PRKCH: variants seen among roughly 807,000 people sequenced by gnomAD.
The protein encoded by PRKCH is protein kinase C eta type.
In PRKCH, 28 loss-of-function variants were observed where a neutral mutation model predicts 82.5. The ratio of observed to expected loss-of-function variants is 0.34; its 90% CI spans 0.25 to 0.47. PRKCH has a LOEUF of 0.47. Among genes scored for constraint, PRKCH ranks in the 20% least tolerant of loss-of-function variants. The pLI is 1.00. For missense variants in PRKCH, 705 were observed against 881.8 expected, an observed-to-expected ratio of 0.80 and a Z score of 2.54; for synonymous variants, 322 against 327.4, an observed-to-expected ratio of 0.98 and a Z score of 0.18.
intron 1 of PRKCH, among the ~76,000 whole-genome samples, chr14:61,367,923 C>T (rs913378294): frequency 7.2e-5 from 11 of 151,784 alleles, no homozygotes; most frequent in Admixed American, 6.6e-4. Context: ...ACCTTGCTAA[C>T]CAGGATGGTC....
chr14:61,277,741 C>G (rs1165108613), intron 1 of PRKCH: 1 of 152,068 alleles, frequency 6.6e-6, no homozygotes, highest in Non-Finnish European at 1.5e-5. Flanking sequence ...AGTTTATATA[C>G]ATGTTGAGGT....
At chr14:61,433,043 C>CAAAAAAAAAAAAAAAAAAAAAAAAAA (rs34477992) in intron 2 of PRKCH, among the ~76,000 whole-genome samples, 2 of 110,964 alleles carry the variant, frequency 1.8e-5, no homozygotes, top group African/African-American at 7.4e-5. Context: ...CCAACCTCTT[C>CAAAAAAAAAAAAAAAAAAAAAAAAAA]AAAAAAAAAA....
intron 10 of PRKCH, among the ~76,000 whole-genome samples, chr14:61,515,836 A>G (rs1257050741): frequency 6.6e-6 from 1 of 152,216 alleles, no homozygotes; most frequent in East Asian, 1.9e-4. Flanking sequence ...ACAGTAGGCC[A>G]TGTAGATATT....
chr14:61,420,163 G>T (rs1882760393), intron 2 of PRKCH, among the ~76,000 whole-genome samples: 1 of 152,148 alleles, frequency 6.6e-6, no homozygotes, highest in East Asian at 1.9e-4. Flanking sequence ...GTACTAAATG[G>T]GTCATGTGTG....
chr14:61,490,138 T>C (rs1336562048), intron 10 of PRKCH, among the ~76,000 whole-genome samples: 1 of 152,160 alleles, frequency 6.6e-6, no homozygotes, highest in African/African-American at 2.4e-5. Context: ...GTAATTAGTG[T>C]TTACCCTGAA....
intron 9 of PRKCH, among the ~76,000 whole-genome samples, chr14:61,466,668 T>C (rs1594738264): frequency 6.6e-6 from 1 of 152,290 alleles, no homozygotes; most frequent in East Asian, 1.9e-4. Flanking sequence ...TAGCAGGCCC[T>C]GGGACTGGGT....
intron 1 of PRKCH, among the ~76,000 whole-genome samples, chr14:61,188,405 C>T (rs966921824): frequency 1.3e-5 from 2 of 152,186 alleles, no homozygotes; most frequent in Admixed American, 6.5e-5. Flanking sequence ...GGCTCTCAGG[C>T]AGTTCTGGCT....
At chr14:61,415,090 T>A (rs950646148) in intron 2 of PRKCH, among the ~76,000 whole-genome samples, 1 of 152,174 alleles carries the variant, frequency 6.6e-6, no homozygotes, top group Non-Finnish European at 1.5e-5. Flanking sequence ...AGACCCCAGT[T>A]GTCATTTTCC....
At chr14:61,315,303 G>C (rs1228999968) in intron 1 of PRKCH, among the ~76,000 whole-genome samples, 2 of 152,136 alleles carry the variant, frequency 1.3e-5, no homozygotes, top group African/African-American at 4.8e-5. Flanking sequence ...ATCATGCTGG[G>C]ATGGAGCTTA....
intron 1 of PRKCH, among the ~76,000 whole-genome samples, chr14:61,265,783 A>C (rs373433936): frequency 1.3e-5 from 2 of 152,044 alleles, no homozygotes; most frequent in African/African-American, 2.4e-5. Flanking sequence ...GGAGAATAAG[A>C]TCTAGGGAGA....
intron 9 of PRKCH, among the ~76,000 whole-genome samples, chr14:61,475,729 G>C (rs1175479958): frequency 6.6e-6 from 1 of 152,152 alleles, no homozygotes; most frequent in South Asian, 2.1e-4. Context: ...GAAAAGAGAA[G>C]TGTATGTTTT....
At chr14:61,403,369 A>T (rs1475421004) in intron 2 of PRKCH, among the ~76,000 whole-genome samples, 2 of 152,154 alleles carry the variant, frequency 1.3e-5, no homozygotes, top group Admixed American at 6.5e-5. Flanking sequence ...ACTGACACAT[A>T]TTTGTGTATG....
At chr14:61,285,478 C>T (rs909203173) in intron 1 of PRKCH, among the ~76,000 whole-genome samples, 9 of 152,162 alleles carry the variant, frequency 5.9e-5, no homozygotes, top group Non-Finnish European at 1.0e-4. Flanking sequence ...CTTATCTGTA[C>T]GAACGTGTTT....
rs145098487 is a variant in PRKCH, at chr14:61,436,517, C to T, written c.428-6594C>T. On this transcript the variant is annotated intron_variant, in intron 2 of 13. Transcript: ENST00000332981. The stretch of plus-strand genomic sequence containing the variant: ...TGTACTGCTAGTGCCATTGAGGGGG[C>T]TTTTGCTGCCATTTATTTTCAACTT... Among the ~76,000 whole-genome samples, 405 of 152,228 alleles carry T rather than the reference C, an allele frequency of 2.7e-3. 4 individuals carry two copies. Among genetic ancestry groups the T allele is most frequent in the African/African-American group, 9.5e-3 (395 of 41,550 alleles).
intron 9 of PRKCH, among the ~76,000 whole-genome samples, chr14:61,466,089 G>T (rs1364725634): frequency 2.6e-5 from 4 of 152,140 alleles, no homozygotes; most frequent in Non-Finnish European, 5.9e-5. Context: ...TAGTGAATTG[G>T]CAGACCCGTT....
chr14:61,214,392 G>C (rs2140048343), intron 1 of PRKCH, among the ~76,000 whole-genome samples: 1 of 152,204 alleles, frequency 6.6e-6, no homozygotes, highest in East Asian at 1.9e-4. Context: ...GTCTATGTCT[G>C]TCATTCTATA....
chr14:61,326,715 A>G (rs2045701864), intron 1 of PRKCH, among the ~76,000 whole-genome samples: 1 of 152,196 alleles, frequency 6.6e-6, no homozygotes, highest in African/African-American at 2.4e-5. Flanking sequence ...TGAAAACTAC[A>G]TTTCCTCTTT....
intron 1 of PRKCH, among the ~76,000 whole-genome samples, chr14:61,212,225 T>C (rs1029736219): frequency 6.6e-6 from 1 of 152,150 alleles, no homozygotes. Flanking sequence ...TAGATGTCAT[T>C]AACTTTGGAT....
intron 10 of PRKCH, among the ~76,000 whole-genome samples, chr14:61,523,677 G>A (rs939757210): frequency 4.6e-5 from 7 of 152,156 alleles, no homozygotes; most frequent in Non-Finnish European, 8.8e-5. Context: ...CTTTTTTCCA[G>A]GTTTTCTAGA....
Sources: allele counts gnomAD v4.1 joint callset (sites outside exome capture counted in the v4.1 genomes callset), GRCh38; gene constraint gnomAD v4.1.1; transcripts MANE v1.5; gene names NCBI Gene and HGNC (gene_info 2026-07-23, HGNC 2026-07-21).